Variants in CNTLN observed in about 807,000 individuals in gnomAD.
CNTLN encodes the protein centlein, also known as centlein, centrosomal protein.
Under a neutral mutation model 180.0 loss-of-function variants are expected in CNTLN, and 212 were observed. The observed-to-expected ratio is 1.18, with a 90% CI of 1.05 to 1.32. The LOEUF is 1.32. CNTLN is among the 40% of genes most tolerant of loss of function. CNTLN has a pLI of 0.00. For missense variants in CNTLN, 2,095 were observed against 1,610.9 expected, an observed-to-expected ratio of 1.30 and a Z score of -5.14; for synonymous variants, 722 against 563.1, an observed-to-expected ratio of 1.28 and a Z score of -3.99.
intron 25 of CNTLN, among the ~76,000 whole-genome samples, chr9:17,493,817 T>C (rs1013885598): frequency 6.6e-5 from 10 of 152,196 alleles, no homozygotes; most frequent in African/African-American, 2.4e-4. Flanking sequence ...AAGAAATCCA[T>C]GTTCAGCACG....
At chr9:17,318,319 G>T (rs1423854912) in intron 8 of CNTLN, among the ~76,000 whole-genome samples, 1 of 152,008 alleles carries the variant, frequency 6.6e-6, no homozygotes, top group Non-Finnish European at 1.5e-5. Flanking sequence ...GTGAGCCACC[G>T]CGCCGGGCCC....
chr9:17,261,154 A>T (rs895178381), intron 5 of CNTLN, among the ~76,000 whole-genome samples: 7 of 151,328 alleles, frequency 4.6e-5, no homozygotes, highest in African/African-American at 1.7e-4. Flanking sequence ...TGCTTTGTCT[A>T]ATTGGGCTTT....
chr9:17,523,336 A>G, the CNTLN span, among the ~76,000 whole-genome samples: 13 of 152,126 alleles, frequency 8.5e-5, no homozygotes, highest in African/African-American at 3.1e-4. Flanking sequence ...TCCTGGTTCA[A>G]GCGATTCTGC....
intron 16 of CNTLN, among the ~76,000 whole-genome samples, chr9:17,410,364 T>A (rs145449170): frequency 6.6e-6 from 1 of 152,174 alleles, no homozygotes; most frequent in Admixed American, 6.5e-5. Flanking sequence ...CCTCTTCAAG[T>A]CTCTGCCCAT....
intron 10 of CNTLN, among the ~76,000 whole-genome samples, chr9:17,340,412 T>G (rs1041823782): frequency 3.3e-5 from 5 of 152,214 alleles, no homozygotes; most frequent in African/African-American, 1.2e-4. Flanking sequence ...TAAATAATTG[T>G]TCTTACTCTG....
At chr9:17,191,576 A>C (rs1393505969) in intron 2 of CNTLN, among the ~76,000 whole-genome samples, 1 of 152,220 alleles carries the variant, frequency 6.6e-6, no homozygotes, top group Non-Finnish European at 1.5e-5. Flanking sequence ...ATTTTGGAAT[A>C]GAGAATCTTT....
At chr9:17,194,146 G>A (rs143381888) in intron 2 of CNTLN, among the ~76,000 whole-genome samples, 3,699 of 152,262 alleles carry the variant, frequency 0.024, 139 homozygotes, top group African/African-American at 0.085. Context: ...GATGGGAGGG[G>A]CTGCTGTGAA....
chr9:17,361,890 A>T (rs576335067), intron 12 of CNTLN, among the ~76,000 whole-genome samples: 1 of 152,358 alleles, frequency 6.6e-6, no homozygotes, highest in South Asian at 2.1e-4. Flanking sequence ...TGTGGTCCTC[A>T]TACCAGAGTA....
At position 17,278,962 on chromosome 9, in the gene CNTLN, C is replaced by A. The variant is rs145192720; in HGVS notation, c.983+5096C>A. Among the ~76,000 whole-genome samples the A allele has an allele frequency of 3.1e-3, 467 of 151,768 alleles. 4 individuals are homozygous for A. Among genetic ancestry groups the A allele is most frequent in the African/African-American group, 0.011 (443 of 41,412 alleles). On this transcript the variant is annotated intron_variant, in intron 6 of 25. Coordinates refer to ENST00000380647, the MANE Select transcript of CNTLN (RefSeq NM_017738.4). ...TAGGTTTTTTTTTCATATAATGAAACAATAAGGCTCTCTGATGTGAAATTG... is the reference window on the plus strand; with the variant it reads ...TAGGTTTTTTTTTCATATAATGAAAAAATAAGGCTCTCTGATGTGAAATTG...
intron 5 of CNTLN, among the ~76,000 whole-genome samples, chr9:17,257,747 A>C (rs971186434): frequency 1.5e-4 from 23 of 151,208 alleles, no homozygotes; most frequent in Middle Eastern, 6.9e-3. Flanking sequence ...GCATTTTTTC[A>C]TGTGTTTCTT....
intron 6 of CNTLN, among the ~76,000 whole-genome samples, chr9:17,284,703 C>T (rs192256648): frequency 1.4e-4 from 21 of 152,094 alleles, no homozygotes; most frequent in South Asian, 8.3e-4. Context: ...TTTCAACAAA[C>T]GGCTTCTGGA....
intron 2 of CNTLN, among the ~76,000 whole-genome samples, chr9:17,174,558 T>C (rs1268345492): frequency 6.6e-6 from 1 of 151,986 alleles, no homozygotes; most frequent in Non-Finnish European, 1.5e-5. Context: ...TAGCCGGACG[T>C]GGTGGTGGGT....
chr9:17,527,787 A>G, the CNTLN span, among the ~76,000 whole-genome samples: 1 of 152,062 alleles, frequency 6.6e-6, no homozygotes, highest in Admixed American at 6.6e-5. Context: ...AATATACAAG[A>G]TGAGCCTGGA....
intron 2 of CNTLN, among the ~76,000 whole-genome samples, chr9:17,222,994 T>TGGGG (rs1824242961): frequency 6.6e-6 from 1 of 152,010 alleles, no homozygotes; most frequent in Admixed American, 6.6e-5. Flanking sequence ...GCCTTATCCA[T>TGGGG]GGGGGATACG....
At chr9:17,287,986 G>T (rs1219260753) in intron 6 of CNTLN, among the ~76,000 whole-genome samples, 1 of 139,722 alleles carries the variant, frequency 7.2e-6, no homozygotes, top group African/African-American at 3.0e-5. Flanking sequence ...TTTTTGAAGG[G>T]TTTTTTGTGT....
intron 8 of CNTLN, among the ~76,000 whole-genome samples, chr9:17,320,847 T>A (rs1055450032): frequency 5.9e-5 from 9 of 152,216 alleles, no homozygotes; most frequent in African/African-American, 2.2e-4. Flanking sequence ...TTCCTCAGGA[T>A]GAATTATTAA....
At chr9:17,390,743 A>G (rs1054874486) in intron 14 of CNTLN, among the ~76,000 whole-genome samples, 5 of 152,206 alleles carry the variant, frequency 3.3e-5, no homozygotes, top group Admixed American at 2.0e-4. Flanking sequence ...TATACCTTGA[A>G]TAACACTTTA....
intron 23 of CNTLN, among the ~76,000 whole-genome samples, chr9:17,472,532 A>G (rs1208697398): frequency 6.6e-6 from 1 of 152,026 alleles, no homozygotes; most frequent in Non-Finnish European, 1.5e-5. Context: ...GATTATTCCC[A>G]TCATCATACC....
intron 18 of CNTLN, among the ~76,000 whole-genome samples, chr9:17,428,485 G>A (rs1248005910): frequency 6.6e-6 from 1 of 152,082 alleles, no homozygotes; most frequent in Non-Finnish European, 1.5e-5. Flanking sequence ...CTCAGCTACT[G>A]TATGCCTTCT....
Sources: allele counts gnomAD v4.1 joint callset (sites outside exome capture counted in the v4.1 genomes callset), GRCh38; gene constraint gnomAD v4.1.1; transcripts MANE v1.5; gene names NCBI Gene and HGNC (gene_info 2026-07-23, HGNC 2026-07-21).